The following PDZD2 variants were observed in gnomAD, a reference collection of about 807,000 sequenced individuals.
PDZD2 encodes the protein PDZ domain containing 2.
In PDZD2, 90 loss-of-function variants were observed where a neutral mutation model predicts 220.7. That is an observed-to-expected ratio of 0.41 (90% CI 0.34 to 0.49). PDZD2 has a LOEUF of 0.49. Among genes scored for constraint, PDZD2 ranks in the 20% least tolerant of loss-of-function variants. The probability of loss-of-function intolerance (pLI) is 0.28; values close to 1 mark genes in which losing one functional copy is unlikely to be tolerated. For missense variants in PDZD2, 3,174 were observed against 3,608.5 expected (o/e 0.88, Z 3.08); for synonymous variants, 1,375 against 1,450.5 (o/e 0.95, Z 1.18).
At chr5:31,707,434 T>C (rs947636072) in intron 1 of PDZD2, among the ~76,000 whole-genome samples, 24 of 152,144 alleles carry the variant, frequency 1.6e-4, no homozygotes, top group Admixed American at 1.4e-3. Flanking sequence ...CAGCAGGAAG[T>C]GACAAGCCAG....
intron 1 of PDZD2, among the ~76,000 whole-genome samples, chr5:31,750,118 A>G (rs1750856480): frequency 6.6e-6 from 1 of 152,204 alleles, no homozygotes; most frequent in South Asian, 2.1e-4. Context: ...ATCTGCCAGG[A>G]ATCCCCAGGA....
intron 6 of PDZD2, among the ~76,000 whole-genome samples, chr5:32,029,441 G>A (rs886102992): frequency 3.3e-5 from 5 of 149,934 alleles, no homozygotes; most frequent in Non-Finnish European, 7.4e-5. Flanking sequence ...TCATGGCACA[G>A]CAACTAGATT....
At chr5:31,723,681 G>T (rs1423179308) in intron 1 of PDZD2, among the ~76,000 whole-genome samples, 1 of 152,054 alleles carries the variant, frequency 6.6e-6, no homozygotes, top group Non-Finnish European at 1.5e-5. Flanking sequence ...GCAATGGCGC[G>T]ATCTTGGCTC....
intron 15 of PDZD2, 95 bp downstream of exon 15, chr5:32,069,745 G>A: frequency 1.4e-6 from 1 of 693,224 alleles, no homozygotes. Flanking sequence ...TGGATTCTTG[G>A]TAATTATCAG....
intron 2 of PDZD2, among the ~76,000 whole-genome samples, chr5:31,957,800 C>T (rs1198478731): frequency 6.6e-6 from 1 of 152,214 alleles, no homozygotes; most frequent in East Asian, 1.9e-4. Flanking sequence ...ACCAGACCTT[C>T]AAGTTGGAGT....
chr5:32,082,094 T>A (rs1170680409), intron 19 of PDZD2, among the ~76,000 whole-genome samples: 1 of 149,192 alleles, frequency 6.7e-6, no homozygotes, highest in African/African-American at 2.5e-5. Flanking sequence ...CGATCTTGGC[T>A]CACTGCAACC....
Position 32,069,142 on chromosome 5 carries a change from T to TATAG in PDZD2, c.2452-426_2452-423dup, listed in dbSNP as rs568823390. ...TTAGCCAGGCGTGGTGGTGCGCGCC[T>TATAG]ATAGTCCCAGCTACTTGGGAGGCTG... is the stretch of plus-strand genomic sequence containing the variant. On this transcript the variant is annotated intron_variant, in intron 14 of 24. Transcript: ENST00000438447. Among the ~76,000 whole-genome samples the TATAG allele has an allele frequency of 1.7e-3, 251 of 151,716 alleles. 2 individuals are homozygous for TATAG. In the Middle Eastern group the frequency reaches 0.017, roughly 10 times the overall value.
intron 2 of PDZD2, among the ~76,000 whole-genome samples, chr5:31,904,596 C>T (rs113651649): frequency 2.0e-5 from 3 of 151,594 alleles, no homozygotes; most frequent in East Asian, 2.0e-4. Flanking sequence ...GGCACGATCT[C>T]GGCTCACTGC....
chr5:31,811,991 AAAATAAATAAATAAATAAATAAAT>A (rs369835690), intron 2 of PDZD2, among the ~76,000 whole-genome samples: 3 of 138,864 alleles, frequency 2.2e-5, no homozygotes, highest in African/African-American at 5.3e-5. Flanking sequence ...CTCTGTCTCA[AAAATAAATAAATAAATAAATAAAT>A]AAATAAATAA....
At chr5:31,796,095 A>G (rs985281329) in intron 1 of PDZD2, among the ~76,000 whole-genome samples, 3 of 152,222 alleles carry the variant, frequency 2.0e-5, no homozygotes, top group African/African-American at 7.2e-5. Context: ...ATCCGAGCTG[A>G]GCCAATCAGC....
intron 1 of PDZD2, among the ~76,000 whole-genome samples, chr5:31,778,697 G>A (rs55950122): frequency 0.45 from 68,316 of 151,990 alleles, 16,114 homozygotes; most frequent in African/African-American, 0.54. Context: ...GGGAGGGTCC[G>A]CGGCTTCATT....
intron 2 of PDZD2, among the ~76,000 whole-genome samples, chr5:31,839,271 A>G (rs890217782): frequency 3.3e-5 from 5 of 152,200 alleles, no homozygotes; most frequent in African/African-American, 1.2e-4. Context: ...GTTCAAAGCA[A>G]ACAGTAAGAA....
intron 2 of PDZD2, among the ~76,000 whole-genome samples, chr5:31,871,776 A>G (rs571601979): frequency 6.6e-6 from 1 of 152,120 alleles, no homozygotes; most frequent in South Asian, 2.1e-4. Context: ...CATTTGCAAC[A>G]GTCAAGCCAA....
intron 1 of PDZD2, among the ~76,000 whole-genome samples, chr5:31,664,473 C>CAT (rs1044992865): frequency 2.0e-5 from 3 of 151,490 alleles, no homozygotes; most frequent in Non-Finnish European, 4.4e-5. Context: ...CACACACACA[C>CAT]ACACAGGCGC....
chr5:31,761,713 T>C (rs1751665036), intron 1 of PDZD2, among the ~76,000 whole-genome samples: 1 of 151,704 alleles, frequency 6.6e-6, no homozygotes, highest in Non-Finnish European at 1.5e-5. Context: ...ATACAAAAAG[T>C]AGCTGGGCAT....
intron 1 of PDZD2, among the ~76,000 whole-genome samples, chr5:31,704,940 C>A (rs1369400190): frequency 6.6e-6 from 1 of 152,104 alleles, no homozygotes; most frequent in Non-Finnish European, 1.5e-5. Context: ...GTGGGCGGGT[C>A]ATTTGAGGCT....
intron 5 of PDZD2, among the ~76,000 whole-genome samples, chr5:32,009,530 C>A (rs1376504173): frequency 2.0e-5 from 3 of 151,504 alleles, no homozygotes; most frequent in Non-Finnish European, 2.9e-5. Flanking sequence ...GAGTTCGAGA[C>A]CAGCCTGGGC....
At position 32,090,900 on chromosome 5, in the gene PDZD2, G is replaced by T. The variant is rs1484945041; in HGVS notation, c.7452G>T (p.Glu2484Asp). ...PSPVSRSKLQ[E>D]LRALSMPDLD... is the part of the protein sequence containing the mutation. ...CCGTGTCCCGCTCCAAGCTCCAGGA[G>T]CTGAGAGCCTTGAGCATGCCTGACC... Residue 2484 changes from glutamate to aspartate, a missense_variant, in exon 20 of 25, where the codon GAG becomes GAT. Transcript: ENST00000438447. This position sits in a 1 kb window ranked among gnomAD's most constrained non-coding sequence, Gnocchi z 4.3. The T allele has an allele frequency of 1.2e-6, 2 of 1,614,014 alleles. No individual in the cohort carries two copies. The highest frequency in any genetic ancestry group is 2.2e-5 in the South Asian group (2 of 91,080).
At chr5:31,800,021 A>G (rs971624061) in intron 2 of PDZD2, among the ~76,000 whole-genome samples, 1 of 152,076 alleles carries the variant, frequency 6.6e-6, no homozygotes, top group Admixed American at 6.5e-5. Context: ...CTTTGATCTT[A>G]TCTGAATGCA....
Sources: gnomAD v4.1 joint callset for allele counts (sites outside exome capture counted in the v4.1 genomes callset) on GRCh38, gnomAD v4.1.1 for gene constraint, Gnocchi (gnomAD v3.1) non-coding constraint, MANE v1.5 for transcripts, NCBI Gene and HGNC (gene_info 2026-07-23, HGNC 2026-07-21) for gene names.